Variants in SLC36A1 observed in about 807,000 individuals in gnomAD.
The protein encoded by SLC36A1 is solute carrier family 36 member 1.
Under a neutral mutation model 47.5 loss-of-function variants are expected in SLC36A1, and 30 were observed. The ratio of observed to expected loss-of-function variants is 0.63; its 90% confidence interval spans 0.47 to 0.86. SLC36A1 has a LOEUF of 0.86. Among genes scored for constraint, SLC36A1 ranks in the 40% least tolerant of loss-of-function variants. The probability of loss-of-function intolerance (pLI) is 0.00; values close to 1 mark genes in which losing one functional copy is unlikely to be tolerated. For missense variants in SLC36A1, 517 were observed against 606.0 expected (o/e 0.85, Z 1.54); for synonymous variants, 255 against 249.7 (o/e 1.02, Z -0.20).
At chr5:151,407,050 C>T in the SLC36A1 span, among the ~76,000 whole-genome samples, 1 of 151,704 alleles carries the variant, frequency 6.6e-6, no homozygotes, top group Non-Finnish European at 1.5e-5. Flanking sequence ...GTTTGTTCCT[C>T]CCAGTGGGTT....
intron 1 of SLC36A1, among the ~76,000 whole-genome samples, chr5:151,457,450 AATCCACCC>A (rs1401141275): frequency 1.3e-5 from 2 of 152,118 alleles, no homozygotes; most frequent in Admixed American, 6.5e-5. Context: ...TTCCTGAGTA[AATCCACCC>A]AGGGGACACC....
the SLC36A1 span, chr5:151,528,009 A>C: frequency 3.1e-6 from 5 of 1,614,162 alleles, no homozygotes; most frequent in Non-Finnish European, 4.2e-6. Flanking sequence ...TTCCCGGTCC[A>C]GGGCCTTGGC....
the SLC36A1 span, among the ~76,000 whole-genome samples, chr5:151,390,689 T>C: frequency 3.3e-3 from 497 of 152,352 alleles, 8 homozygotes; most frequent in African/African-American, 0.011. Context: ...CTTGTTTTTG[T>C]CAGGTTTGTC....
chr5:151,546,069 G>A, the SLC36A1 span: 10 of 1,614,024 alleles, frequency 6.2e-6, no homozygotes, highest in Non-Finnish European at 8.5e-6. Flanking sequence ...CTTCAGAGGG[G>A]CTCATAGCAG....
intron 10 of SLC36A1, among the ~76,000 whole-genome samples, chr5:151,484,170 T>A (rs1347041286): frequency 2.6e-5 from 4 of 152,176 alleles, no homozygotes; most frequent in African/African-American, 9.7e-5. Flanking sequence ...GAAGTGCCCA[T>A]ATGTCCTGCT....
chr5:151,404,751 G>T, the SLC36A1 span, among the ~76,000 whole-genome samples: 1 of 152,168 alleles, frequency 6.6e-6, no homozygotes, highest in African/African-American at 2.4e-5. Flanking sequence ...CTTCTGGCTT[G>T]TAAGGTTTCT....
At chr5:151,447,971 T>G (rs946559647) in intron 1 of SLC36A1, 158 bp downstream of exon 1, 1 of 152,312 alleles carries the variant, frequency 6.6e-6, no homozygotes, top group African/African-American at 2.4e-5. Flanking sequence ...GGTTGGGATC[T>G]CACCGTCCTG....
intron 2 of SLC36A1, 96 bp downstream of exon 2, chr5:151,459,031 T>C: frequency 7.3e-7 from 1 of 1,370,528 alleles, no homozygotes; most frequent in Non-Finnish European, 9.9e-7. Flanking sequence ...AGTCCTCCAC[T>C]TTACAGATGA....
the SLC36A1 span, among the ~76,000 whole-genome samples, chr5:151,541,089 T>C: frequency 1.3e-5 from 2 of 152,232 alleles, no homozygotes; most frequent in African/African-American, 2.4e-5. Flanking sequence ...TCTATATAAA[T>C]GTCTAAGATG....
At chr5:151,554,377 C>T in the SLC36A1 span, 1 of 1,613,990 alleles carries the variant, frequency 6.2e-7, no homozygotes, top group Non-Finnish European at 8.5e-7. Flanking sequence ...GGATGTTGTA[C>T]TCTCCAGCTG....
upstream of SLC36A1, among the ~76,000 whole-genome samples, chr5:151,445,451 G>A (rs986979164): frequency 6.6e-6 from 1 of 152,084 alleles, no homozygotes; most frequent in Admixed American, 6.5e-5. Flanking sequence ...TTTTCTTGTG[G>A]CGTCTTTCTC....
intron 1 of SLC36A1, among the ~76,000 whole-genome samples, chr5:151,454,775 C>T (rs971434323): frequency 2.8e-5 from 4 of 140,826 alleles, no homozygotes; most frequent in Non-Finnish European, 6.0e-5. Context: ...TGCAGTGGCG[C>T]GATCTCGGCT....
At chr5:151,463,829 A>G (rs1561748930) in intron 3 of SLC36A1, among the ~76,000 whole-genome samples, 186 bp downstream of exon 3, 1 of 152,188 alleles carries the variant, frequency 6.6e-6, no homozygotes, top group Non-Finnish European at 1.5e-5. Flanking sequence ...TCTGTGCGTT[A>G]GGCACTGTTC....
In SLC36A1 at chr5:151,453,459, T is replaced by C. The variant is rs1581070843; in HGVS notation, c.-5-5329T>C. ...ATTTTACCCAAGTGTATTTCAAGTG[T>C]AAGATAGCTATTTATGGCTAGTGGT... On this transcript the variant is annotated intron_variant, in intron 1 of 10. Transcript: ENST00000243389. Among the ~76,000 whole-genome samples the C allele has an allele frequency of 3.3e-5, 5 of 152,200 alleles. No individual in the cohort carries two copies. The South Asian group carries it at 1.0e-3, about 32-fold the overall frequency.
chr5:151,532,249 T>C, the SLC36A1 span, among the ~76,000 whole-genome samples: 25 of 152,362 alleles, frequency 1.6e-4, no homozygotes, highest in African/African-American at 4.1e-4. Flanking sequence ...TATCAGTTTA[T>C]TAATGAAAAA....
At chr5:151,463,733 T>G in intron 3 of SLC36A1, 90 bp downstream of exon 3, 1 of 982,016 alleles carries the variant, frequency 1.0e-6, no homozygotes, top group South Asian at 1.4e-5. Context: ...TTAAAACATT[T>G]TAAATAGAGA....
chr5:151,473,652 GTTTTGC>G lies in SLC36A1; in HGVS notation c.724-17_724-12del. 8.3e-7 allele frequency: 1 copy of G among 1,211,230 alleles called. No homozygotes were observed. The highest frequency in any genetic ancestry group is 1.7e-5 in the African/African-American group (1 of 57,522). 75.0% of individuals were successfully genotyped at this position (1,211,230 alleles called of 1,614,324 possible). On this transcript the variant is annotated splice_polypyrimidine_tract_variant and intron_variant, in intron 7 of 10. Transcript: ENST00000243389. ...ATAGCCTTTTGCTTTGTTTTGCTTTGTTTTGCTTTCTGTCTTTCAGAGGATCCCAGA... is the reference window on the plus strand; with the variant it reads ...ATAGCCTTTTGCTTTGTTTTGCTTTGTTTCTGTCTTTCAGAGGATCCCAGA...
the SLC36A1 span, among the ~76,000 whole-genome samples, chr5:151,540,191 A>G: frequency 5.9e-5 from 9 of 152,246 alleles, no homozygotes; most frequent in African/African-American, 2.2e-4. Flanking sequence ...GATGTGGGCC[A>G]TGAGTCTTGA....
chr5:151,347,644 C>T, the SLC36A1 span: 2 of 642,760 alleles, frequency 3.1e-6, no homozygotes, highest in Admixed American at 5.6e-5. Context: ...CCTGGAGAAG[C>T]CAGTGGACGA....
Sources: gnomAD v4.1 joint callset for allele counts (sites outside exome capture counted in the v4.1 genomes callset) on GRCh38, gnomAD v4.1.1 for gene constraint, MANE v1.5 for transcripts, NCBI Gene and HGNC (gene_info 2026-07-23, HGNC 2026-07-21) for gene names.